Variants in BCO1 observed in about 807,000 individuals in gnomAD.
BCO1 encodes the protein beta-carotene oxygenase 1.
A neutral mutation model predicts 56.3 loss-of-function variants in BCO1; 54 were observed. The observed-to-expected ratio is 0.96, with a 90% CI of 0.77 to 1.20. The LOEUF (loss-of-function observed/expected upper bound fraction) is 1.20. Among genes scored for constraint, BCO1 ranks in the 50% most tolerant of loss-of-function variants. BCO1 has a pLI of 0.00. For missense variants in BCO1, 801 were observed against 690.9 expected (o/e 1.16, Z -1.79); for synonymous variants, 318 against 266.1 (o/e 1.20, Z -1.90).
chr16:81,245,290 G>T (rs1905335375), intron 1 of BCO1, among the ~76,000 whole-genome samples, 185 bp from the exon 2 acceptor site: 2 of 152,150 alleles, frequency 1.3e-5, no homozygotes, highest in Non-Finnish European at 2.9e-5. Context: ...CTCCATCTTG[G>T]TATCCTCAGT....
At chr16:81,275,171 A>T (rs1907477491) in intron 7 of BCO1, among the ~76,000 whole-genome samples, 1 of 152,252 alleles carries the variant, frequency 6.6e-6, no homozygotes, top group Non-Finnish European at 1.5e-5. Context: ...CTTCAGGAAG[A>T]TGCTGCCCTT....
chr16:81,251,282 G>T (rs756171692), intron 2 of BCO1, among the ~76,000 whole-genome samples: 3 of 152,136 alleles, frequency 2.0e-5, no homozygotes, highest in Non-Finnish European at 4.4e-5. Context: ...AGAGGGACCA[G>T]AGGTTGTGGT....
intron 8 of BCO1, among the ~76,000 whole-genome samples, 168 bp from the exon 9 acceptor site, chr16:81,285,371 TC>T (rs1463653835): frequency 6.6e-6 from 1 of 152,114 alleles, no homozygotes; most frequent in Non-Finnish European, 1.5e-5. Flanking sequence ...TACCAGAGGC[TC>T]CCTCCCCTGC....
chr16:81,251,577 A>G (rs1208291205), intron 2 of BCO1, among the ~76,000 whole-genome samples: 2 of 152,132 alleles, frequency 1.3e-5, no homozygotes, highest in Non-Finnish European at 2.9e-5. Context: ...TTAAAAAAGA[A>G]AAACATGTAA....
At chr16:81,257,153 C>A (rs1268841561) in intron 2 of BCO1, among the ~76,000 whole-genome samples, 1 of 152,144 alleles carries the variant, frequency 6.6e-6, no homozygotes, top group South Asian at 2.1e-4. Context: ...GTTTCATGCA[C>A]CACCTCCTCC....
intron 1 of BCO1, among the ~76,000 whole-genome samples, chr16:81,240,767 G>A (rs1905072386): frequency 6.6e-6 from 1 of 151,600 alleles, no homozygotes; most frequent in Non-Finnish European, 1.5e-5. Flanking sequence ...GTGAAACACT[G>A]TCTTTATTAT....
intron 7 of BCO1, among the ~76,000 whole-genome samples, chr16:81,271,526 C>T (rs62044256): frequency 0.019 from 2,917 of 152,258 alleles, 40 homozygotes; most frequent in Non-Finnish European, 0.027. Context: ...ACACCCCACA[C>T]CCCTTAGCCA....
chr16:81,290,503 G>A lies in BCO1; in HGVS notation c.1570G>A (p.Asp524Asn). The part of the protein sequence containing the change: ...HGLFITDMDW[D>N]TKKQAASEEQ... ...ATTATTCATTACAGACATGGACTGG[G>A]ACACAAAAAAGCAGGCCGCTTCTGA... Residue 524 changes from aspartate (D) to asparagine (N), a missense_variant, in exon 11 of 11, where the codon GAC becomes AAC. Transcript: ENST00000258168. The A allele has an allele frequency of 6.2e-7, 1 of 1,614,136 alleles. No homozygotes were observed. The highest frequency in any genetic ancestry group is 8.5e-7 in the Non-Finnish European group (1 of 1,180,036).
At chr16:81,285,936 G>A (rs181103987) in intron 9 of BCO1, among the ~76,000 whole-genome samples, 1 of 152,240 alleles carries the variant, frequency 6.6e-6, no homozygotes, top group East Asian at 1.9e-4. Flanking sequence ...AGTCAGCAGG[G>A]AGATTCCCAA....
intron 6 of BCO1, among the ~76,000 whole-genome samples, chr16:81,269,029 G>T (rs1226059038): frequency 7.1e-6 from 1 of 140,920 alleles, no homozygotes; most frequent in Non-Finnish European, 1.5e-5. Flanking sequence ...CCCTCCCAAA[G>T]TACTGGGATT....
chr16:81,257,673 C>T (rs192915803), intron 2 of BCO1, among the ~76,000 whole-genome samples: 3 of 151,654 alleles, frequency 2.0e-5, no homozygotes, highest in Non-Finnish European at 2.9e-5. Flanking sequence ...GTCAGGAGTT[C>T]GAGACCAGTC....
chr16:81,261,447 C>A (rs1906475914), intron 3 of BCO1, among the ~76,000 whole-genome samples: 1 of 152,158 alleles, frequency 6.6e-6, no homozygotes, highest in Non-Finnish European at 1.5e-5. Flanking sequence ...GACTCACATT[C>A]CTGGCAAAGC....
At chr16:81,256,745 G>A (rs564392584) in intron 2 of BCO1, among the ~76,000 whole-genome samples, 31 of 152,112 alleles carry the variant, frequency 2.0e-4, no homozygotes, top group Admixed American at 3.9e-4. Context: ...AAAATTAGTC[G>A]GACATGGTGG....
rs372084002 is a variant in BCO1 at position 81,248,405 on chromosome 16, CAAA to C, written c.193+2821_193+2823del. On this transcript the variant is annotated intron_variant, in intron 2 of 10. Coordinates refer to ENST00000258168, the MANE Select transcript of BCO1 (RefSeq NM_017429.3). ...GCAACAAGAGCGAGGCTCCCTCTCA[CAAA>C]AAAAAAAAAAAAAAAAAATTATATA... Among the ~76,000 whole-genome samples, 472 of 102,786 alleles carry C rather than the reference CAAA, an allele frequency of 4.6e-3. 6 individuals carry two copies. Among genetic ancestry groups the C allele is most frequent in the African/African-American group, 0.018 (436 of 23,668 alleles). The allele number at this position is 102,786 out of a possible 152,430, so 67.4% of individuals were successfully genotyped here.
chr16:81,246,090 A>C (rs906438277), intron 2 of BCO1, among the ~76,000 whole-genome samples: 3 of 151,660 alleles, frequency 2.0e-5, no homozygotes, highest in African/African-American at 7.3e-5. Context: ...CGTGCTCCCA[A>C]AGTGCTGGGA....
At chr16:81,249,816 T>C (rs1034843842) in intron 2 of BCO1, among the ~76,000 whole-genome samples, 2 of 152,194 alleles carry the variant, frequency 1.3e-5, no homozygotes, top group Non-Finnish European at 2.9e-5. Context: ...CGTCTGAGGG[T>C]TCATGCCCCA....
At chr16:81,244,850 G>T (rs1178087744) in intron 1 of BCO1, among the ~76,000 whole-genome samples, 1 of 151,434 alleles carries the variant, frequency 6.6e-6, no homozygotes. Context: ...CTCCCAAGCA[G>T]CTGGGACTAC....
chr16:81,253,919 C>T (rs1905965248), intron 2 of BCO1, among the ~76,000 whole-genome samples: 1 of 152,092 alleles, frequency 6.6e-6, no homozygotes, highest in African/African-American at 2.4e-5. Context: ...GCTGTAATTG[C>T]GCCACTGCCC....
intron 8 of BCO1, among the ~76,000 whole-genome samples, chr16:81,285,103 G>C (rs1443794475): frequency 1.3e-5 from 2 of 152,108 alleles, no homozygotes; most frequent in African/African-American, 4.8e-5. Flanking sequence ...GCCTCCCAAA[G>C]TGCTGAGATT....
Sources: allele counts gnomAD v4.1 joint callset (sites outside exome capture counted in the v4.1 genomes callset), GRCh38; gene constraint gnomAD v4.1.1; transcripts MANE v1.5; gene names NCBI Gene and HGNC (gene_info 2026-07-23, HGNC 2026-07-21).